ISX: variants seen among roughly 807,000 people sequenced by gnomAD.
The protein encoded by ISX is intestine specific homeobox, also known as intestine-specific homeobox.
In ISX, 15 loss-of-function variants were observed where a neutral mutation model predicts 16.9. That is an observed-to-expected ratio of 0.89 (90% CI 0.59 to 1.36). The LOEUF is 1.36. ISX is among the 40% of genes most tolerant of loss of function. The probability of loss-of-function intolerance (pLI) is 0.00; values close to 1 mark genes in which losing one functional copy is unlikely to be tolerated. For synonymous variants in ISX, 125 were observed against 119.7 expected (o/e 1.04, Z -0.29); for missense variants, 316 against 306.1 (o/e 1.03, Z -0.24).
chr22:35,082,257 G>A (rs1184025686), intron 2 of ISX, among the ~76,000 whole-genome samples: 1 of 152,254 alleles, frequency 6.6e-6, no homozygotes. Flanking sequence ...AGTCATTGAA[G>A]GCAATGTAGC....
In ISX at chr22:35,085,697, T is replaced by G. The variant is rs1450641588; in HGVS notation, c.*4T>G. 1.2e-6 allele frequency: 2 copies of G among 1,614,066 alleles called. No individual in the cohort carries two copies. Among genetic ancestry groups the G allele is most frequent in the Non-Finnish European group, 1.7e-6 (2 of 1,180,008 alleles). On this transcript the variant is annotated 3_prime_UTR_variant, in exon 5 of 5. Transcript: ENST00000404699. ...CATCTGTGCTACTTCAACATAGAGATTGGACATGCTCTCCCCAAATGAGCC... is the reference window on the plus strand; with the variant it reads ...CATCTGTGCTACTTCAACATAGAGAGTGGACATGCTCTCCCCAAATGAGCC...
At chr22:35,071,391 G>A (rs1928849988) in intron 2 of ISX, among the ~76,000 whole-genome samples, 2 of 152,208 alleles carry the variant, frequency 1.3e-5, no homozygotes, top group African/African-American at 4.8e-5. Flanking sequence ...TATTGGCAGA[G>A]ATAGCTCCTT....
chr22:35,077,106 G>A (rs187723650), intron 2 of ISX, among the ~76,000 whole-genome samples: 3 of 152,300 alleles, frequency 2.0e-5, no homozygotes, highest in African/African-American at 7.2e-5. Context: ...CCTCAGAAGT[G>A]TCCCCTCTTA....
At position 35,067,865 on chromosome 22, in the gene ISX, G is replaced by A. The variant is rs552765986; in HGVS notation, c.229+549G>A. Among the ~76,000 whole-genome samples the A allele has an allele frequency of 3.9e-5, 6 of 152,286 alleles. No homozygotes were observed. In the South Asian group the frequency reaches 1.2e-3, roughly 32 times the overall value. On this transcript the variant is annotated intron_variant, in intron 2 of 4. Coordinates refer to ENST00000404699, the MANE Select transcript of ISX (RefSeq NM_001303508.2). ...AGCTTTGCCCAGGGGCCGAAGCTTT[G>A]GCTTGGGAAAAGTCTGTCCACCCTG...
intron 3 of ISX, among the ~76,000 whole-genome samples, 197 bp downstream of exon 3, chr22:35,082,866 G>A (rs971876412): frequency 2.6e-5 from 4 of 152,196 alleles, no homozygotes; most frequent in East Asian, 1.9e-4. Flanking sequence ...TCTCTCCTCC[G>A]GGAATGGAAA....
chr22:35,087,331 C>G lies in ISX; in HGVS notation c.*1638C>G, dbSNP rs372954879. On this transcript the variant is annotated 3_prime_UTR_variant, in exon 5 of 5. Coordinates refer to ENST00000404699, the MANE Select transcript of ISX (RefSeq NM_001303508.2). Reference sequence around the variant, plus strand: ...GCTCATCACTTGGGTAGCAGGTACCCATTTTAGGACCCTACACTCAAATGT... The same window carrying G: ...GCTCATCACTTGGGTAGCAGGTACCGATTTTAGGACCCTACACTCAAATGT... 6.6e-6 allele frequency: 1 copy of G among 152,148 alleles called. No homozygotes were observed. Among genetic ancestry groups the G allele is most frequent in the South Asian group, 2.1e-4 (1 of 4,818 alleles). The allele number at this position is 152,148 out of a possible 1,614,324, so 9.4% of individuals were successfully genotyped here. A position where few individuals can be genotyped will look rare whatever the true frequency, so the allele number is the denominator to read the frequency against.
intron 3 of ISX, 105 bp from the exon 4 acceptor site, chr22:35,084,278 A>C: frequency 2.7e-6 from 2 of 748,788 alleles, no homozygotes. Flanking sequence ...TTTACAAACT[A>C]TAAAGTACAG....
At position 35,082,515 on chromosome 22, in the gene ISX, C is replaced by A; in HGVS notation, c.230-3C>A. ...GACACAACTTGGACCCTCTCCCATG[C>A]AGAAGGAAGGAAGAGCAAGCGGAGG... On this transcript the variant is annotated splice_region_variant and splice_polypyrimidine_tract_variant and intron_variant, in intron 2 of 4. Transcript: ENST00000404699. The A allele has an allele frequency of 5.0e-6, 8 of 1,613,896 alleles. No homozygotes were observed. The highest frequency in any genetic ancestry group is 6.8e-6 in the Non-Finnish European group (8 of 1,179,868).
rs759847681 is a variant in ISX, at chr22:35,066,941, C to T, written c.-147C>T. On this transcript the variant is annotated 5_prime_UTR_variant, in exon 2 of 5. It adds an upstream start codon to the 5' untranslated region. Transcript: ENST00000404699. Reference sequence around the variant, plus strand: ...CTGCCCATGGAAGTCCCTGTGGACACGAAATCCTGTTTGGATCATCTAACT... The same window carrying T: ...CTGCCCATGGAAGTCCCTGTGGACATGAAATCCTGTTTGGATCATCTAACT... 3.9e-4 allele frequency: 241 copies of T among 619,124 alleles called. 2 individuals are homozygous for T. Among genetic ancestry groups the T allele is most frequent in the South Asian group, 1.4e-4 (7 of 50,476 alleles). 38.4% of individuals were successfully genotyped at this position (619,124 alleles called of 1,614,324 possible). A position where few individuals can be genotyped will look rare whatever the true frequency, so the allele number is the denominator to read the frequency against.
chr22:35,074,483 T>G (rs1171222892), intron 2 of ISX, among the ~76,000 whole-genome samples: 1 of 152,234 alleles, frequency 6.6e-6, no homozygotes, highest in Non-Finnish European at 1.5e-5. Flanking sequence ...TTATCAGTAG[T>G]GTGTTGCTAA....
At position 35,085,965 on chromosome 22, in the gene ISX, A is replaced by T. The variant is rs1263879936; in HGVS notation, c.*272A>T. On this transcript the variant is annotated 3_prime_UTR_variant, in exon 5 of 5. Transcript: ENST00000404699. ...TCTCAGGCCGAGCTCTGAAATAGGG[A>T]GGTAATCCTCCAGCACCTGTGTTTC... The T allele has an allele frequency of 2.0e-6, 1 of 501,038 alleles. No individual in the cohort carries two copies. Among genetic ancestry groups the T allele is most frequent in the Non-Finnish European group, 3.6e-6 (1 of 275,464 alleles). The allele number at this position is 501,038 out of a possible 1,614,324, so 31.0% of individuals were successfully genotyped here. A position where few individuals can be genotyped will look rare whatever the true frequency, so the allele number is the denominator to read the frequency against.
chr22:35,078,483 T>A (rs893158278), intron 2 of ISX, among the ~76,000 whole-genome samples: 1 of 151,960 alleles, frequency 6.6e-6, no homozygotes, highest in Non-Finnish European at 1.5e-5. Flanking sequence ...CCCATGAAGT[T>A]AAAAAGGCAG....
chr22:35,067,499 G>A (rs149424997), intron 2 of ISX, among the ~76,000 whole-genome samples, 183 bp downstream of exon 2: 1 of 152,318 alleles, frequency 6.6e-6, no homozygotes, highest in Non-Finnish European at 1.5e-5. Flanking sequence ...GTGCTTTTCA[G>A]CTTCAGACAC....
intron 2 of ISX, among the ~76,000 whole-genome samples, chr22:35,076,437 G>T (rs1177678761): frequency 6.6e-6 from 1 of 152,214 alleles, no homozygotes; most frequent in Non-Finnish European, 1.5e-5. Flanking sequence ...GCCAAAGAAA[G>T]TCTGTGGCCT....
chr22:35,085,364 C>G (rs1771754982), intron 4 of ISX, 90 bp from the exon 5 acceptor site: 2 of 1,524,576 alleles, frequency 1.3e-6, no homozygotes, highest in African/African-American at 1.4e-5. Flanking sequence ...ACTACCCACT[C>G]TTAGCTGCCC....
intron 2 of ISX, 118 bp from the exon 3 acceptor site, chr22:35,082,400 C>A: frequency 2.1e-6 from 2 of 960,170 alleles, no homozygotes; most frequent in Non-Finnish European, 3.1e-6. Context: ...CTCAAGAAGC[C>A]AGGGGCCAAG....
At chr22:35,078,713 G>A (rs376124969) in intron 2 of ISX, among the ~76,000 whole-genome samples, 4 of 152,338 alleles carry the variant, frequency 2.6e-5, no homozygotes, top group African/African-American at 9.6e-5. Context: ...TAGTAGAAGG[G>A]AGTGAAAGCA....
intron 2 of ISX, among the ~76,000 whole-genome samples, chr22:35,075,168 T>G (rs901891085): frequency 6.6e-6 from 1 of 152,152 alleles, no homozygotes; most frequent in Non-Finnish European, 1.5e-5. Context: ...AAGTAGTGGC[T>G]TTTGAGATGG....
In ISX at chr22:35,066,821, C is replaced by A. The variant is rs1352378158; in HGVS notation, c.-267C>A. On this transcript the variant is annotated 5_prime_UTR_variant, in exon 2 of 5. Transcript: ENST00000404699. The stretch of plus-strand genomic sequence containing the variant: ...GAAGACCCTTCTCTGGAAGATTGAA[C>A]CCCAATTCAGCCATGGTGACTCCTT... The A allele has an allele frequency of 2.4e-6, 1 of 424,548 alleles. No homozygotes were observed. The highest frequency in any genetic ancestry group is 4.1e-5 in the East Asian group (1 of 24,382). 26.3% of individuals were successfully genotyped at this position (424,548 alleles called of 1,614,324 possible).
Sources: gnomAD v4.1 joint callset for allele counts (sites outside exome capture counted in the v4.1 genomes callset) on GRCh38, gnomAD v4.1.1 for gene constraint, MANE v1.5 for transcripts, NCBI Gene and HGNC (gene_info 2026-07-23, HGNC 2026-07-21) for gene names.